TAPT1: variants seen among roughly 807,000 people sequenced by gnomAD.
The protein encoded by TAPT1 is transmembrane anterior posterior transformation protein 1 homolog.
In TAPT1, 28 loss-of-function variants were observed where a neutral mutation model predicts 65.6. That is an observed-to-expected ratio of 0.43 (90% CI 0.32 to 0.59). The LOEUF (loss-of-function observed/expected upper bound fraction) is 0.59. Among genes scored for constraint, TAPT1 ranks in the 20% least tolerant of loss-of-function variants. The pLI is 0.09. For missense variants in TAPT1, 563 were observed against 679.9 expected (o/e 0.83, Z 1.91); for synonymous variants, 278 against 245.2 (o/e 1.13, Z -1.25).
chr4:16,199,381 T>A (rs1377141900), intron 3 of TAPT1, among the ~76,000 whole-genome samples: 1 of 152,166 alleles, frequency 6.6e-6, no homozygotes, highest in African/African-American at 2.4e-5. Flanking sequence ...GAAAACATCT[T>A]ATTTTCAAAT....
At chr4:16,201,908 C>A (rs1037489769) in intron 3 of TAPT1, among the ~76,000 whole-genome samples, 1 of 152,120 alleles carries the variant, frequency 6.6e-6, no homozygotes, top group Non-Finnish European at 1.5e-5. Flanking sequence ...TCTGATCTTC[C>A]CCGTGGGGAC....
intron 13 of TAPT1, among the ~76,000 whole-genome samples, chr4:16,164,149 C>A (rs1400112991): frequency 1.3e-5 from 2 of 152,116 alleles, no homozygotes; most frequent in Non-Finnish European, 2.9e-5. Context: ...AGAACAGCTT[C>A]TTTGAGGCAA....
At chr4:16,192,772 T>C (rs1006832594) in intron 3 of TAPT1, among the ~76,000 whole-genome samples, 2 of 151,996 alleles carry the variant, frequency 1.3e-5, no homozygotes, top group African/African-American at 4.8e-5. Context: ...GCCCGAGTAC[T>C]TTTTTTTAGG....
chr4:16,212,589 C>A (rs554719061), intron 2 of TAPT1, among the ~76,000 whole-genome samples: 25 of 152,198 alleles, frequency 1.6e-4, no homozygotes, highest in Non-Finnish European at 3.2e-4. Context: ...GAGCCCTGCC[C>A]ACTCCTCCTC....
At chr4:16,183,401 AT>A (rs768682538) in intron 7 of TAPT1, among the ~76,000 whole-genome samples, 88 of 151,934 alleles carry the variant, frequency 5.8e-4, no homozygotes, top group African/African-American at 1.7e-3. Context: ...TCATTATATC[AT>A]TTTTTTTCCC....
intron 1 of TAPT1, among the ~76,000 whole-genome samples, chr4:16,222,314 A>G (rs1421884101): frequency 6.6e-6 from 1 of 152,248 alleles, no homozygotes; most frequent in Non-Finnish European, 1.5e-5. Flanking sequence ...TGGTCTATAT[A>G]TACTAATTAA....
intron 1 of TAPT1, among the ~76,000 whole-genome samples, chr4:16,219,093 A>G (rs1751106038): frequency 6.6e-6 from 1 of 152,182 alleles, no homozygotes; most frequent in South Asian, 2.1e-4. Context: ...ACTATGAAAC[A>G]GGTTCTACTG....
At position 16,226,444 on chromosome 4, in the gene TAPT1, C is replaced by G; in HGVS notation, c.14G>C (p.Gly5Ala). Residue 5 changes from glycine (G) to alanine (A), a missense_variant, in exon 1 of 14, where the codon GGC becomes GCC. Gly to Ala is a moderately conservative substitution (Grantham distance 60, BLOSUM62 0). Transcript: ENST00000405303. ...GCCTTCTCCCGGAGCGGCCGCGTCG[C>G]CGACGCCCGCCATGTTCCGAGCACA... is the stretch of plus-strand genomic sequence containing the variant. MAGV[G>A]DAAAPGEGGG... The G allele has an allele frequency of 1.9e-6, 2 of 1,069,032 alleles. No homozygotes were observed. The highest frequency in any genetic ancestry group is 2.3e-6 in the Non-Finnish European group (2 of 885,748). 66.2% of individuals were successfully genotyped at this position (1,069,032 alleles called of 1,614,324 possible). A position where few individuals can be genotyped will look rare whatever the true frequency, so the allele number is the denominator to read the frequency against.
intron 7 of TAPT1, among the ~76,000 whole-genome samples, chr4:16,180,631 T>TC (rs1748657832): frequency 6.6e-6 from 1 of 152,234 alleles, no homozygotes. Flanking sequence ...TCTTTGCTTC[T>TC]CTTTTTTTAC....
intron 3 of TAPT1, among the ~76,000 whole-genome samples, chr4:16,200,564 G>A (rs879521836): frequency 5.3e-5 from 8 of 152,062 alleles, no homozygotes; most frequent in African/African-American, 7.2e-5. Flanking sequence ...GGCCTCTAGC[G>A]ATCCTCCTAC....
intron 2 of TAPT1, among the ~76,000 whole-genome samples, chr4:16,210,913 TAAG>T (rs924144095): frequency 1.5e-4 from 23 of 152,060 alleles, no homozygotes; most frequent in African/African-American, 5.6e-4. Context: ...TAGCTTAAAA[TAAG>T]AAGTTTAAGA....
chr4:16,163,371 T>A lies in TAPT1; in HGVS notation c.1641A>T (p.Arg547Ser), dbSNP rs764260680. ...ITQDNSELKH[R>S]SSKKDLLEID... is the part of the protein sequence containing the mutation. ...TCTCTAACAAATCTTTCTTTGAGGA[T>A]CTGTGTTTTAATTCAGAATTGTCCT... The change falls in exon 14 of 14, where the codon AGA (arginine) becomes AGT (serine). Residue 547 changes from arginine (R) to serine (S), a missense_variant. Transcript: ENST00000405303. The A allele has an allele frequency of 1.2e-6, 2 of 1,613,882 alleles. No homozygotes were observed. The highest frequency in any genetic ancestry group is 4.5e-5 in the East Asian group (2 of 44,898).
intron 13 of TAPT1, among the ~76,000 whole-genome samples, chr4:16,166,417 C>T (rs1012343314): frequency 6.6e-6 from 1 of 152,194 alleles, no homozygotes; most frequent in South Asian, 2.1e-4. Context: ...GCTGATGTGT[C>T]GCAGATGCTC....
intron 1 of TAPT1, among the ~76,000 whole-genome samples, chr4:16,221,517 C>A (rs1751254996): frequency 6.6e-6 from 1 of 152,120 alleles, no homozygotes; most frequent in Non-Finnish European, 1.5e-5. Context: ...GTATAAATTG[C>A]TTTTTCTTCA....
At chr4:16,217,840 C>G (rs1751029269) in intron 1 of TAPT1, among the ~76,000 whole-genome samples, 1 of 152,182 alleles carries the variant, frequency 6.6e-6, no homozygotes, top group South Asian at 2.1e-4. Context: ...GCTGCTGATT[C>G]AGGAGCCTCT....
In TAPT1 at chr4:16,194,859, GTCTTCTTCTTCTTCTTCTTCT is replaced by G. The variant is rs71649940; in HGVS notation, c.450-3357_450-3337del. 2.3e-3 allele frequency among the ~76,000 whole-genome samples: 336 copies of G among 147,000 alleles called. 2 individuals are homozygous for G. Among genetic ancestry groups the G allele is most frequent in the Admixed American group, 7.4e-3 (111 of 15,002 alleles). The stretch of plus-strand genomic sequence containing the variant: ...TTAAAAAACAAGGGTCTTGATTTCT[GTCTTCTTCTTCTTCTTCTTCT>G]TCTTCTTCTTCTTCTTATTTTTTGT... On this transcript the variant is annotated intron_variant, in intron 3 of 13. Transcript: ENST00000405303.
At chr4:16,196,717 C>T in intron 3 of TAPT1, 1 of 1,287,270 alleles carries the variant, frequency 7.8e-7, no homozygotes, top group Non-Finnish European at 1.0e-6. Context: ...GTGCTCCTCC[C>T]TTCGGTCTGA....
chr4:16,207,232 C>T (rs1031840302), intron 2 of TAPT1, among the ~76,000 whole-genome samples: 2 of 152,138 alleles, frequency 1.3e-5, no homozygotes, highest in Non-Finnish European at 2.9e-5. Flanking sequence ...CTAGGATGCC[C>T]AAGAAAACAC....
intron 2 of TAPT1, among the ~76,000 whole-genome samples, chr4:16,213,069 G>A (rs1202851145): frequency 6.6e-6 from 1 of 152,200 alleles, no homozygotes; most frequent in Non-Finnish European, 1.5e-5. Flanking sequence ...TACTACAGAA[G>A]TATGAAAACA....
Sources: allele counts gnomAD v4.1 joint callset (sites outside exome capture counted in the v4.1 genomes callset), GRCh38; gene constraint gnomAD v4.1.1; transcripts MANE v1.5; gene names NCBI Gene and HGNC (gene_info 2026-07-23, HGNC 2026-07-21).